The following PAK3 variants were observed in gnomAD, a reference collection of about 807,000 sequenced individuals.
PAK3 encodes the protein serine/threonine-protein kinase PAK 3.
In PAK3, 4 loss-of-function variants were observed where a neutral mutation model predicts 41.0. That is an observed-to-expected ratio of 0.10 (90% CI 0.05 to 0.22). The LOEUF is 0.22. Among genes scored for constraint, PAK3 ranks in the 10% least tolerant of loss-of-function variants. The pLI, the probability that PAK3 is intolerant of heterozygous loss-of-function variation, is 1.00. For synonymous variants in PAK3, 146 were observed against 139.6 expected (o/e 1.05, Z -0.32); for missense variants, 205 against 409.9 (o/e 0.50, Z 4.32).
chrX:111,153,945 G>A (rs1282387996), intron 8 of PAK3, among the ~76,000 whole-genome samples: 1 of 111,834 alleles, frequency 8.9e-6, no homozygotes, highest in African/African-American at 3.3e-5. Flanking sequence ...TGTATAAACA[G>A]TGGAATATTA....
chrX:111,051,589 G>T (rs2092558997), intron 1 of PAK3, among the ~76,000 whole-genome samples: 1 of 111,631 alleles, frequency 9.0e-6, no homozygotes, highest in Admixed American at 9.5e-5. Context: ...CCCCATCACT[G>T]GGTTGCTGAT....
chrX:111,110,231 T>C (rs1293370265), intron 4 of PAK3, among the ~76,000 whole-genome samples: 2 of 112,346 alleles, frequency 1.8e-5, no homozygotes, highest in African/African-American at 6.5e-5. Flanking sequence ...CAAATGTGGA[T>C]ATGTGATCCT....
intron 16 of PAK3, among the ~76,000 whole-genome samples, chrX:111,205,859 G>T (rs774021734): frequency 2.7e-5 from 3 of 111,536 alleles, no homozygotes; most frequent in Non-Finnish European, 5.7e-5. Flanking sequence ...ATGGTAATTT[G>T]GAAAAGCCCA....
At chrX:111,086,175 C>A (rs2092881438) in intron 1 of PAK3, among the ~76,000 whole-genome samples, 1 of 110,277 alleles carries the variant, frequency 9.1e-6, no homozygotes, top group African/African-American at 3.3e-5. Context: ...AAATATTATT[C>A]TTTGAGGCGC....
At chrX:111,021,097 T>C in intron 1 of PAK3, among the ~76,000 whole-genome samples, 1 of 111,621 alleles carries the variant, frequency 9.0e-6, no homozygotes, top group South Asian at 3.8e-4. Flanking sequence ...AATGTCATAA[T>C]CTCTTGGGAG....
chrX:111,052,260 A>G (rs1239094859), intron 1 of PAK3, among the ~76,000 whole-genome samples: 1 of 112,820 alleles, frequency 8.9e-6, no homozygotes, highest in Non-Finnish European at 1.9e-5. Context: ...ATCAGAGGTG[A>G]GGAACAACCT....
At chrX:111,144,501 C>A (rs967565018) in intron 6 of PAK3, among the ~76,000 whole-genome samples, 1 of 111,045 alleles carries the variant, frequency 9.0e-6, no homozygotes, top group Non-Finnish European at 1.9e-5. Flanking sequence ...TTAAGAAAGT[C>A]TTTTTATTGG....
chrX:111,091,717 C>T (rs1569312239), upstream of PAK3, among the ~76,000 whole-genome samples: 1 of 111,848 alleles, frequency 8.9e-6, no homozygotes, highest in Non-Finnish European at 1.9e-5. Flanking sequence ...CTATGATGGG[C>T]ATGGGGAGGC....
intron 16 of PAK3, among the ~76,000 whole-genome samples, chrX:111,205,268 C>T (rs1049378304): frequency 4.5e-5 from 5 of 110,606 alleles, no homozygotes; most frequent in African/African-American, 1.6e-4. Context: ...CTTGGTTCCA[C>T]CAGAATAGTT....
intron 1 of PAK3, among the ~76,000 whole-genome samples, chrX:110,944,966 T>A (rs1452971140): frequency 8.9e-6 from 1 of 111,810 alleles, no homozygotes; most frequent in Non-Finnish European, 1.9e-5. Flanking sequence ...CGGGGAGAGA[T>A]GGATGGAGAT....
chrX:110,968,938 T>C (rs2091138332), intron 1 of PAK3, among the ~76,000 whole-genome samples: 1 of 109,791 alleles, frequency 9.1e-6, no homozygotes, highest in Non-Finnish European at 1.9e-5. Flanking sequence ...CCTTATGTTT[T>C]CTTCTAAAAG....
chrX:111,003,793 A>C (rs1446103718), intron 1 of PAK3, among the ~76,000 whole-genome samples: 1 of 111,600 alleles, frequency 9.0e-6, no homozygotes, highest in African/African-American at 3.3e-5. Context: ...TATCATGAAA[A>C]ACACTTGAAG....
At chrX:111,109,988 T>C (rs1309331702) in intron 4 of PAK3, among the ~76,000 whole-genome samples, 3 of 112,350 alleles carry the variant, frequency 2.7e-5, no homozygotes, top group African/African-American at 6.5e-5. Flanking sequence ...GTGACCTTGG[T>C]CAAGTGACTT....
At chrX:111,068,039 C>G (rs1328752348) in intron 1 of PAK3, among the ~76,000 whole-genome samples, 2 of 110,107 alleles carry the variant, frequency 1.8e-5, no homozygotes, top group Non-Finnish European at 3.8e-5. Context: ...TAAAAATTTT[C>G]TCATTGAAAC....
intron 1 of PAK3, among the ~76,000 whole-genome samples, chrX:111,074,783 A>G (rs1230429622): frequency 8.9e-6 from 1 of 112,164 alleles, no homozygotes; most frequent in South Asian, 3.7e-4. Flanking sequence ...GTTGTGACCA[A>G]AATGCTGATG....
intron 10 of PAK3, among the ~76,000 whole-genome samples, chrX:111,171,146 T>G (rs1276836205): frequency 1.8e-5 from 2 of 110,813 alleles, no homozygotes; most frequent in African/African-American, 6.6e-5. Context: ...ATAAGAAGTA[T>G]TGAAAGCCCG....
intron 1 of PAK3, among the ~76,000 whole-genome samples, chrX:111,052,472 T>C (rs1433202513): frequency 8.9e-6 from 1 of 112,834 alleles, no homozygotes; most frequent in East Asian, 2.8e-4. Context: ...ATTGAGTGCT[T>C]ACTATGTGCC....
At chrX:111,198,116 C>T (rs894845114) in intron 16 of PAK3, among the ~76,000 whole-genome samples, 1 of 112,291 alleles carries the variant, frequency 8.9e-6, no homozygotes, top group African/African-American at 3.2e-5. Context: ...TTCTTGGGCA[C>T]ATGTATGTCT....
intron 1 of PAK3, among the ~76,000 whole-genome samples, chrX:111,008,182 A>G (rs760527751): frequency 1.2e-4 from 14 of 112,340 alleles, no homozygotes; most frequent in Middle Eastern, 4.7e-3. Context: ...CTAGTTGTGC[A>G]ATCTTGGATG....
Sources: gnomAD v4.1 joint callset for allele counts (sites outside exome capture counted in the v4.1 genomes callset) on GRCh38, gnomAD v4.1.1 for gene constraint, MANE v1.5 for transcripts, NCBI Gene and HGNC (gene_info 2026-07-23, HGNC 2026-07-21) for gene names.